The following GALNTL6 variants were observed in gnomAD, a reference collection of about 807,000 sequenced individuals.
GALNTL6 encodes the protein polypeptide N-acetylgalactosaminyltransferase like 6.
A neutral mutation model predicts 73.7 loss-of-function variants in GALNTL6; 46 were observed. The observed-to-expected ratio is 0.62, with a 90% CI of 0.49 to 0.80. The LOEUF (loss-of-function observed/expected upper bound fraction) is 0.80, where lower values mean the gene tolerates loss of function less well. Ranked by LOEUF, GALNTL6 falls within the 30% of genes least tolerant of loss-of-function variation. The pLI is 0.00. For missense variants in GALNTL6, 604 were observed against 755.0 expected (o/e 0.80, Z 2.34); for synonymous variants, 259 against 263.7 (o/e 0.98, Z 0.17).
chr4:172,484,660 G>A (rs1733609106), intron 5 of GALNTL6, among the ~76,000 whole-genome samples: 1 of 152,156 alleles, frequency 6.6e-6, no homozygotes. Context: ...CTTATTAAGT[G>A]CATCACAGAC....
chr4:172,826,247 T>A (rs1325587240), intron 7 of GALNTL6, among the ~76,000 whole-genome samples: 1 of 152,218 alleles, frequency 6.6e-6, no homozygotes, highest in East Asian at 1.9e-4. Context: ...TCTTGATCAA[T>A]ATACCTTCAA....
At chr4:172,065,575 T>C (rs1731334035) in intron 2 of GALNTL6, among the ~76,000 whole-genome samples, 1 of 151,464 alleles carries the variant, frequency 6.6e-6, no homozygotes, top group Non-Finnish European at 1.5e-5. Context: ...AAAGACTAAT[T>C]TTTTTTTTAG....
At chr4:171,849,616 T>C (rs768726223) in intron 2 of GALNTL6, among the ~76,000 whole-genome samples, 7 of 152,194 alleles carry the variant, frequency 4.6e-5, no homozygotes, top group Non-Finnish European at 7.3e-5. Context: ...AATGTAAGTC[T>C]AAATAGGTAA....
rs773380683 is a variant in GALNTL6, at chr4:171,949,295, G to T, written c.138+134577G>T. Among the ~76,000 whole-genome samples the T allele has an allele frequency of 2.6e-5, 4 of 152,228 alleles. No individual in the cohort carries two copies. The South Asian group carries it at 8.3e-4, about 32-fold the overall frequency. ...CCTTACATAGCAATAACAAGCAAAT[G>T]TATCTTTTTTACCTGGGCTCTTTCT... On this transcript the variant is annotated intron_variant, in intron 2 of 12. Transcript: ENST00000506823.
chr4:172,368,647 C>G (rs1005307604), intron 5 of GALNTL6, among the ~76,000 whole-genome samples: 1 of 151,976 alleles, frequency 6.6e-6, no homozygotes, highest in Non-Finnish European at 1.5e-5. Context: ...AAGAATGAAG[C>G]CGCGGACCCT....
At chr4:171,825,762 G>C (rs566742657) in intron 2 of GALNTL6, among the ~76,000 whole-genome samples, 1 of 151,970 alleles carries the variant, frequency 6.6e-6, no homozygotes, top group Non-Finnish European at 1.5e-5. Context: ...TTTCACATAG[G>C]GACTGATTGG....
chr4:172,778,199 A>G (rs1739174981), intron 5 of GALNTL6, among the ~76,000 whole-genome samples: 1 of 152,254 alleles, frequency 6.6e-6, no homozygotes, highest in Non-Finnish European at 1.5e-5. Context: ...CCTATTTAAC[A>G]GAGACATCTT....
intron 7 of GALNTL6, among the ~76,000 whole-genome samples, chr4:172,862,283 G>A (rs576768728): frequency 6.6e-6 from 1 of 152,208 alleles, no homozygotes; most frequent in Non-Finnish European, 1.5e-5. Context: ...TGTGCAAAGA[G>A]ACTGGTGGCA....
intron 5 of GALNTL6, among the ~76,000 whole-genome samples, chr4:172,558,369 T>G (rs1736222451): frequency 6.6e-6 from 1 of 152,214 alleles, no homozygotes; most frequent in Non-Finnish European, 1.5e-5. Context: ...AACCCCACTG[T>G]GACTATATTT....
At chr4:172,550,997 A>C (rs754309642) in intron 5 of GALNTL6, among the ~76,000 whole-genome samples, 2 of 152,196 alleles carry the variant, frequency 1.3e-5, no homozygotes, top group Non-Finnish European at 2.9e-5. Flanking sequence ...GACAGGGTTG[A>C]GAACTTCTTA....
intron 7 of GALNTL6, among the ~76,000 whole-genome samples, chr4:172,816,809 C>T (rs1377288580): frequency 6.6e-6 from 1 of 152,026 alleles, no homozygotes; most frequent in Non-Finnish European, 1.5e-5. Context: ...GGATTGGATA[C>T]ATTTAAGAAA....
intron 5 of GALNTL6, among the ~76,000 whole-genome samples, chr4:172,408,388 T>C (rs1352507860): frequency 6.6e-6 from 1 of 152,056 alleles, no homozygotes; most frequent in African/African-American, 2.4e-5. Context: ...AAAAGGCCTG[T>C]GTTTGGGATT....
chr4:171,910,440 TC>T (rs1737443335), intron 2 of GALNTL6, among the ~76,000 whole-genome samples: 1 of 152,082 alleles, frequency 6.6e-6, no homozygotes, highest in Admixed American at 6.5e-5. Flanking sequence ...TTATCCTTAT[TC>T]TTTTGACGTG....
chr4:172,980,474 G>C (rs776686126), intron 10 of GALNTL6, among the ~76,000 whole-genome samples: 1 of 152,060 alleles, frequency 6.6e-6, no homozygotes, highest in South Asian at 2.1e-4. Context: ...TAGGTGGCTC[G>C]TAAACAACAT....
At chr4:173,024,810 C>T (rs1753166562) in intron 12 of GALNTL6, among the ~76,000 whole-genome samples, 1 of 152,144 alleles carries the variant, frequency 6.6e-6, no homozygotes, top group African/African-American at 2.4e-5. Context: ...AACTCCTGAC[C>T]TCAGGGGATC....
chr4:171,988,803 A>G (rs538562706), intron 2 of GALNTL6, among the ~76,000 whole-genome samples: 72 of 151,976 alleles, frequency 4.7e-4, no homozygotes, highest in Non-Finnish European at 6.3e-4. Context: ...AGAGTGATTA[A>G]GTTTTAATAG....
intron 5 of GALNTL6, among the ~76,000 whole-genome samples, chr4:172,575,679 CTG>C (rs1247125856): frequency 6.6e-6 from 1 of 152,178 alleles, no homozygotes; most frequent in African/African-American, 2.4e-5. Context: ...AGCACTGACA[CTG>C]TTTTCAAATT....
At chr4:172,485,702 A>G (rs1252401629) in intron 5 of GALNTL6, among the ~76,000 whole-genome samples, 1 of 152,164 alleles carries the variant, frequency 6.6e-6, no homozygotes, top group Non-Finnish European at 1.5e-5. Flanking sequence ...ATATGTTCCA[A>G]ATAAAAAAGA....
chr4:172,858,810 G>A (rs1744245026), intron 7 of GALNTL6, among the ~76,000 whole-genome samples: 1 of 152,228 alleles, frequency 6.6e-6, no homozygotes, highest in East Asian at 1.9e-4. Context: ...TGAACAACCA[G>A]ATAGGAACGT....
Sources: allele counts gnomAD v4.1 joint callset (sites outside exome capture counted in the v4.1 genomes callset), GRCh38; gene constraint gnomAD v4.1.1; transcripts MANE v1.5; gene names NCBI Gene and HGNC (gene_info 2026-07-23, HGNC 2026-07-21).